Variants in ZC3HAV1 observed in about 807,000 individuals in gnomAD.
The protein encoded by ZC3HAV1 is zinc finger CCCH-type containing, antiviral 1.
A neutral mutation model predicts 86.6 loss-of-function variants in ZC3HAV1; 41 were observed. That is an observed-to-expected ratio of 0.47 (90% CI 0.37 to 0.61). The LOEUF is 0.61. Ranked by LOEUF, ZC3HAV1 falls within the 20% of genes least tolerant of loss-of-function variation. The probability of loss-of-function intolerance (pLI) is 0.00; values close to 1 mark genes in which losing one functional copy is unlikely to be tolerated. For synonymous variants in ZC3HAV1, 421 were observed against 432.1 expected, an observed-to-expected ratio of 0.97 and a Z score of 0.32; for missense variants, 964 against 1,141.1, an observed-to-expected ratio of 0.84 and a Z score of 2.24.
chr7:139,061,473 T>C lies in ZC3HAV1; in HGVS notation c.1994-335A>G, dbSNP rs375549307. ...CTTCCCTACACCAGACATCAGTGAT[T>C]ACGGGTTGGAATCTGGTAGCTGTCT... On this transcript the variant is annotated intron_variant, in intron 8 of 12. Coordinates refer to ENST00000242351, the MANE Select transcript of ZC3HAV1 (RefSeq NM_020119.4). 4.6e-5 allele frequency among the ~76,000 whole-genome samples: 7 copies of C among 152,302 alleles called. No homozygotes were observed. The South Asian group carries it at 1.5e-3, about 32-fold the overall frequency.
chr7:139,049,080 TC>T (rs1349447431), intron 12 of ZC3HAV1, among the ~76,000 whole-genome samples: 1 of 151,946 alleles, frequency 6.6e-6, no homozygotes, highest in Non-Finnish European at 1.5e-5. Flanking sequence ...TCCACTTTAG[TC>T]CTAGAAATCT....
At chr7:139,063,238 A>G (rs553018720) in intron 8 of ZC3HAV1, among the ~76,000 whole-genome samples, 2 of 113,698 alleles carry the variant, frequency 1.8e-5, no homozygotes, top group African/African-American at 9.2e-5. Context: ...AAAACAATAC[A>G]ATACCACCTA....
chr7:139,071,936 C>T (rs749841123), intron 7 of ZC3HAV1, among the ~76,000 whole-genome samples: 4 of 152,196 alleles, frequency 2.6e-5, no homozygotes, highest in African/African-American at 4.8e-5. Flanking sequence ...ACAGGGTTCC[C>T]GCCATGTGGC....
Position 139,047,725 on chromosome 7 carries a change from G to A in ZC3HAV1, c.2578C>T (p.Pro860Ser), listed in dbSNP as rs776377588. 7.4e-6 allele frequency: 12 copies of A among 1,614,036 alleles called. No individual in the cohort carries two copies. In the South Asian group the frequency reaches 1.2e-4, roughly 16 times the overall value. The change falls in exon 13 of 13, where the codon CCT becomes TCT. Residue 860 changes from proline to serine, a missense_variant. Physicochemically the swap from Pro to Ser is moderately conservative, Grantham distance 74. Coordinates refer to ENST00000242351, the MANE Select transcript of ZC3HAV1 (RefSeq NM_020119.4). Reference sequence around the variant, plus strand: ...ACACAGCTGTCGAACTGTGGAGGAGGGCTCGTGTACGTTATATTTCCTTCA... The same window carrying A: ...ACACAGCTGTCGAACTGTGGAGGAGAGCTCGTGTACGTTATATTTCCTTCA... ...FTEGNITYTS[P>S]PPQFDSCVDT...
chr7:139,075,713 T>TACACA (rs1816921700), intron 6 of ZC3HAV1, among the ~76,000 whole-genome samples: 1 of 152,062 alleles, frequency 6.6e-6, no homozygotes, highest in Non-Finnish European at 1.5e-5. Context: ...GTGCTAGGAT[T>TACACA]ACAAGCATGA....
intron 1 of ZC3HAV1, among the ~76,000 whole-genome samples, chr7:139,105,356 T>C (rs769915110): frequency 2.0e-5 from 3 of 152,190 alleles, no homozygotes; most frequent in Non-Finnish European, 4.4e-5. Flanking sequence ...AATACTACCT[T>C]AGGAGCTATC....
At chr7:139,076,180 G>C in intron 6 of ZC3HAV1, 106 bp downstream of exon 6, 2 of 1,519,276 alleles carry the variant, frequency 1.3e-6, no homozygotes, top group Non-Finnish European at 8.9e-7. Context: ...ACTCGAATGG[G>C]ATTCTGATGG....
rs375941285 is a variant in ZC3HAV1 at position 139,081,931 on chromosome 7, A to G, written c.698-1688T>C. Among the ~76,000 whole-genome samples the G allele has an allele frequency of 5.5e-4, 84 of 152,362 alleles. 1 individual carries two copies. Among genetic ancestry groups the G allele is most frequent in the African/African-American group, 1.9e-3 (80 of 41,578 alleles). ...CCTACATCCACTTCATAAAGACATTAAAAATGAATGCCATTATATAATATG... is the reference window on the plus strand; with the variant it reads ...CCTACATCCACTTCATAAAGACATTGAAAATGAATGCCATTATATAATATG... On this transcript the variant is annotated intron_variant, in intron 3 of 12. Transcript: ENST00000242351.
chr7:139,067,266 C>T (rs1816633049), intron 7 of ZC3HAV1, among the ~76,000 whole-genome samples: 1 of 152,118 alleles, frequency 6.6e-6, no homozygotes, highest in African/African-American at 2.4e-5. Context: ...TCTCCCGCCT[C>T]AGCCTCCTGA....
At chr7:139,097,663 T>A (rs1817647834) in intron 1 of ZC3HAV1, among the ~76,000 whole-genome samples, 1 of 151,438 alleles carries the variant, frequency 6.6e-6, no homozygotes, top group African/African-American at 2.4e-5. Flanking sequence ...CTGGATCTCC[T>A]GACCTCGTGA....
rs150617365 is a variant in ZC3HAV1 at position 139,079,648 on chromosome 7, A to T, written c.1293T>A (p.Asn431Lys). 1 of 1,614,134 alleles carries T rather than the reference A, an allele frequency of 6.2e-7. No individual in the cohort carries two copies. The highest frequency in any genetic ancestry group is 8.5e-7 in the Non-Finnish European group (1 of 1,180,028). Residue 431 changes from asparagine (N) to lysine (K), a missense_variant, in exon 4 of 13, where the codon AAT becomes AAA. Physicochemically the swap from Asn to Lys is moderately conservative, Grantham distance 94. Coordinates refer to ENST00000242351, the MANE Select transcript of ZC3HAV1 (RefSeq NM_020119.4). ...DIQPGPLFNNNADGVATDITS... is the reference protein window; with the variant it reads ...DIQPGPLFNNKADGVATDITS... Reference sequence around the variant, plus strand: ...TTATATCTGTGGCCACTCCATCAGCATTATTATTAAAAAGAGGGCCAGGCT... The same window carrying T: ...TTATATCTGTGGCCACTCCATCAGCTTTATTATTAAAAAGAGGGCCAGGCT...
intron 12 of ZC3HAV1, among the ~76,000 whole-genome samples, chr7:139,052,466 G>C (rs141973233): frequency 0.022 from 3,321 of 151,076 alleles, 134 homozygotes; most frequent in African/African-American, 0.076. Flanking sequence ...TTAGCTGGGC[G>C]TGGTGGCACA....
Position 139,079,563 on chromosome 7 carries a change from GTGA to G in ZC3HAV1, c.1375_1377del (p.Ser459del), listed in dbSNP as rs1356514019. 6.2e-7 allele frequency: 1 copy of G among 1,614,142 alleles called. No individual in the cohort carries two copies. The highest frequency in any genetic ancestry group is 8.5e-7 in the Non-Finnish European group (1 of 1,180,024). Reference sequence around the variant, plus strand: ...GCAGGTCCAGCATCCTGAATCCTAGGTGATGATATTTCTCTGTGACCGCTGCTA... The same window carrying G: ...GCAGGTCCAGCATCCTGAATCCTAGGTGATATTTCTCTGTGACCGCTGCTA... On this transcript the variant is annotated inframe_deletion, in exon 4 of 13. Transcript: ENST00000242351.
Position 139,081,268 on chromosome 7 carries a change from C to CGT in ZC3HAV1, c.698-1027_698-1026dup, listed in dbSNP as rs528298050. On this transcript the variant is annotated intron_variant, in intron 3 of 12. Coordinates refer to ENST00000242351, the MANE Select transcript of ZC3HAV1 (RefSeq NM_020119.4). ...TGAATGTGAGGTGTGCATGTGTGCT[C>CGT]GTGTGTGTGTGTGAATTGTGCTTTT... Among the ~76,000 whole-genome samples, 11 of 151,356 alleles carry CGT rather than the reference C, an allele frequency of 7.3e-5. No individual in the cohort carries two copies. In the South Asian group the frequency reaches 1.9e-3, roughly 26 times the overall value.
intron 5 of ZC3HAV1, 75 bp downstream of exon 5, chr7:139,078,477 C>T (rs1006287722): frequency 3.6e-6 from 4 of 1,100,154 alleles, no homozygotes; most frequent in Middle Eastern, 2.0e-4. Flanking sequence ...GGCATTTGCA[C>T]ACCCATGTTC....
At chr7:139,053,684 A>C (rs1442957716) in intron 11 of ZC3HAV1, 103 bp from the exon 12 acceptor site, 9 of 1,426,496 alleles carry the variant, frequency 6.3e-6, no homozygotes, top group Non-Finnish European at 8.3e-6. Flanking sequence ...ATTTCACTCC[A>C]TCAGCTTTCA....
chr7:139,048,986 C>G (rs1816040673), intron 12 of ZC3HAV1, among the ~76,000 whole-genome samples: 3 of 96,502 alleles, frequency 3.1e-5, no homozygotes, highest in Admixed American at 9.1e-5. Flanking sequence ...CATTCACATA[C>G]ATATATGTGC....
intron 12 of ZC3HAV1, among the ~76,000 whole-genome samples, chr7:139,050,462 T>C (rs1310183810): frequency 6.6e-6 from 1 of 151,994 alleles, no homozygotes; most frequent in Non-Finnish European, 1.5e-5. Context: ...CCCCTTCTTG[T>C]GATCAATCAA....
chr7:139,052,129 TC>T (rs991364922), intron 12 of ZC3HAV1, among the ~76,000 whole-genome samples: 6 of 152,084 alleles, frequency 3.9e-5, no homozygotes, highest in African/African-American at 1.4e-4. Flanking sequence ...TCTTTTTTTT[TC>T]ATTTTATTGT....
Sources: allele counts gnomAD v4.1 joint callset (sites outside exome capture counted in the v4.1 genomes callset), GRCh38; gene constraint gnomAD v4.1.1; transcripts MANE v1.5; gene names NCBI Gene and HGNC (gene_info 2026-07-23, HGNC 2026-07-21).